Variants in SUV39H2 observed in about 807,000 individuals in gnomAD.
The protein encoded by SUV39H2 is histone-lysine N-methyltransferase SUV39H2.
A neutral mutation model predicts 47.5 loss-of-function variants in SUV39H2; 10 were observed. The observed-to-expected ratio is 0.21, with a 90% confidence interval of 0.13 to 0.36. The LOEUF (loss-of-function observed/expected upper bound fraction) is 0.36, where lower values mean the gene tolerates loss of function less well. Ranked by LOEUF, SUV39H2 falls within the 10% of genes least tolerant of loss-of-function variation. The probability of loss-of-function intolerance (pLI) is 1.00; values close to 1 mark genes in which losing one functional copy is unlikely to be tolerated. For synonymous variants in SUV39H2, 159 were observed against 166.8 expected, an observed-to-expected ratio of 0.95 and a Z score of 0.36; for missense variants, 266 against 487.4, an observed-to-expected ratio of 0.55 and a Z score of 4.28.
intron 2 of SUV39H2, among the ~76,000 whole-genome samples, chr10:14,883,761 A>G (rs1833119629): frequency 6.7e-6 from 1 of 149,538 alleles, no homozygotes; most frequent in Admixed American, 6.7e-5. Flanking sequence ...ATACTTTAGG[A>G]GTCAGTTTTA....
At chr10:14,900,880 GT>G (rs1265130191) in intron 4 of SUV39H2, among the ~76,000 whole-genome samples, 1 of 152,110 alleles carries the variant, frequency 6.6e-6, no homozygotes, top group Admixed American at 6.5e-5. Context: ...TGGCAAGCAT[GT>G]TACTAATTGT....
chr10:14,896,812 C>T, intron 2 of SUV39H2, 34 bp from the exon 3 acceptor site: 2 of 1,495,952 alleles, frequency 1.3e-6, no homozygotes, highest in Admixed American at 4.5e-5. Context: ...AAATAGCCGT[C>T]TGATTTGCAT....
chr10:14,883,704 CAAAAAAA>C (rs58522342), intron 2 of SUV39H2, among the ~76,000 whole-genome samples: 94 of 50,056 alleles, frequency 1.9e-3, no homozygotes, highest in Middle Eastern at 0.014. Context: ...GACTCAGTCT[CAAAAAAA>C]AAAAAAAAAA....
At chr10:14,892,914 G>C (rs898860715) in intron 2 of SUV39H2, among the ~76,000 whole-genome samples, 1 of 150,960 alleles carries the variant, frequency 6.6e-6, no homozygotes, top group African/African-American at 2.4e-5. Flanking sequence ...CCGCCTCCCA[G>C]GTTCAAGCAG....
chr10:14,893,483 G>A (rs1177053245), intron 2 of SUV39H2, among the ~76,000 whole-genome samples: 1 of 152,046 alleles, frequency 6.6e-6, no homozygotes, highest in Non-Finnish European at 1.5e-5. Context: ...CATTTCTATA[G>A]GTAATCAAGA....
rs35812740 is a variant in SUV39H2, at chr10:14,894,355, G to GTTTTT, written c.178-2465_178-2461dup. On this transcript the variant is annotated intron_variant, in intron 2 of 5. Transcript: ENST00000354919. ...TGACCAATTTTCAAAAGAAAGCAAA[G>GTTTTT]TTTTTTTTTTTTTTTTTTTTTTTTT... Among the ~76,000 whole-genome samples the GTTTTT allele has an allele frequency of 4.8e-4, 28 of 58,088 alleles. 2 individuals carry two copies. The highest frequency in any genetic ancestry group is 1.8e-3 in the East Asian group (3 of 1,696). The allele number at this position is 58,088 out of a possible 152,430, so 38.1% of individuals were successfully genotyped here.
intron 1 of SUV39H2, 171 bp downstream of exon 1, chr10:14,879,090 T>C (rs1832959457): frequency 1.6e-6 from 2 of 1,277,242 alleles, no homozygotes; most frequent in Non-Finnish European, 2.0e-6. Flanking sequence ...CCCAGGCCGC[T>C]GACCCGCCTC....
intron 2 of SUV39H2, among the ~76,000 whole-genome samples, chr10:14,884,482 G>C (rs1833143703): frequency 6.6e-6 from 1 of 152,182 alleles, no homozygotes; most frequent in Non-Finnish European, 1.5e-5. Context: ...TGTCTGTTCA[G>C]ATCCTTTGCG....
In SUV39H2 at chr10:14,902,745, A is replaced by C. The variant is rs1588869329; in HGVS notation, c.*233A>C. The C allele has an allele frequency of 3.2e-6, 1 of 316,012 alleles. No individual in the cohort carries two copies. Among genetic ancestry groups the C allele is most frequent in the South Asian group, 5.7e-5 (1 of 17,420 alleles). 19.6% of individuals were successfully genotyped at this position (316,012 alleles called of 1,614,324 possible). A position where few individuals can be genotyped will look rare whatever the true frequency, so the allele number is the denominator to read the frequency against. ...TAGTGCTTAGAGACCAAACTAATGG[A>C]AGGCAGACTATTTACAGCTTAGTAT... On this transcript the variant is annotated 3_prime_UTR_variant, in exon 6 of 6. Transcript: ENST00000354919.
chr10:14,879,324 C>T (rs1328601489), intron 1 of SUV39H2, among the ~76,000 whole-genome samples: 2 of 152,170 alleles, frequency 1.3e-5, no homozygotes, highest in African/African-American at 4.8e-5. Context: ...CGGCATGCGC[C>T]CGGGCCTTTG....
intron 2 of SUV39H2, among the ~76,000 whole-genome samples, chr10:14,891,684 G>C (rs1318548852): frequency 6.6e-6 from 1 of 152,128 alleles, no homozygotes; most frequent in African/African-American, 2.4e-5. Flanking sequence ...AGATAACCTG[G>C]TTTCTGGCTT....
Position 14,903,948 on chromosome 10 carries a change from C to A in SUV39H2, c.*1436C>A, listed in dbSNP as rs971598982. The A allele has an allele frequency of 6.6e-6, 1 of 152,174 alleles. No homozygotes were observed. The highest frequency in any genetic ancestry group is 1.5e-5 in the Non-Finnish European group (1 of 68,046). 9.4% of individuals were successfully genotyped at this position (152,174 alleles called of 1,614,324 possible). A position where few individuals can be genotyped will look rare whatever the true frequency, so the allele number is the denominator to read the frequency against. On this transcript the variant is annotated 3_prime_UTR_variant, in exon 6 of 6. Transcript: ENST00000354919. ...TATTGCTATGACAACTTCACTCTTT[C>A]ATAATATATAGGATAAATTGTTTAC...
At chr10:14,881,167 T>G (rs938631394) in intron 1 of SUV39H2, among the ~76,000 whole-genome samples, 21 of 152,182 alleles carry the variant, frequency 1.4e-4, no homozygotes, top group African/African-American at 5.1e-4. Flanking sequence ...ACAATGAAAG[T>G]GAAAAACATT....
At chr10:14,902,299 A>G in intron 5 of SUV39H2, 107 bp from the exon 6 acceptor site, 1 of 637,356 alleles carries the variant, frequency 1.6e-6, no homozygotes, top group Non-Finnish European at 2.6e-6. Flanking sequence ...TTGACCATGT[A>G]AGTACCCTCT....
In SUV39H2 at chr10:14,901,276, G is replaced by A; in HGVS notation, c.1126+14G>A. 6.2e-7 allele frequency: 1 copy of A among 1,613,324 alleles called. No individual in the cohort carries two copies. The highest frequency in any genetic ancestry group is 8.5e-7 in the Non-Finnish European group (1 of 1,179,570). On this transcript the variant is annotated intron_variant, in intron 5 of 5. Coordinates refer to ENST00000354919, the MANE Select transcript of SUV39H2 (RefSeq NM_001193424.2). ...ATCAAATGAAAGGTATGCTTTTCAA[G>A]TACAGTTTCATTGGTGTCAGTTTCA...
chr10:14,893,541 T>G (rs1365914370), intron 2 of SUV39H2, among the ~76,000 whole-genome samples: 2 of 152,216 alleles, frequency 1.3e-5, no homozygotes, highest in African/African-American at 4.8e-5. Flanking sequence ...GCTTATGAAC[T>G]TTTTGGCCTT....
At chr10:14,897,611 A>G in intron 3 of SUV39H2, 94 bp downstream of exon 3, 1 of 1,045,464 alleles carries the variant, frequency 9.6e-7, no homozygotes. Flanking sequence ...TACTTGGTAC[A>G]TTTTGATATT....
At chr10:14,897,755 C>G (rs149069257) in intron 3 of SUV39H2, 2 of 294,628 alleles carry the variant, frequency 6.8e-6, no homozygotes, top group East Asian at 1.1e-4. Context: ...TCAACAAATA[C>G]ACATTCCTAC....
At chr10:14,899,481 G>C in intron 3 of SUV39H2, 58 bp from the exon 4 acceptor site, 1 of 1,577,016 alleles carries the variant, frequency 6.3e-7, no homozygotes, top group Non-Finnish European at 8.7e-7. Context: ...TAGATAGGTA[G>C]ATGAATGCTT....
Sources: allele counts gnomAD v4.1 joint callset (sites outside exome capture counted in the v4.1 genomes callset), GRCh38; gene constraint gnomAD v4.1.1; transcripts MANE v1.5; gene names NCBI Gene and HGNC (gene_info 2026-07-23, HGNC 2026-07-21).